Variants in CNTN5 observed in about 807,000 individuals in gnomAD.
CNTN5 encodes the protein contactin 5, also known as contactin-5.
In CNTN5, 77 loss-of-function variants were observed where a neutral mutation model predicts 129.1. That is an observed-to-expected ratio of 0.60 (90% confidence interval 0.50 to 0.72). The LOEUF (loss-of-function observed/expected upper bound fraction) is 0.72. CNTN5 is among the 30% of genes least tolerant of loss of function. CNTN5 has a pLI of 0.00. For missense variants in CNTN5, 1,478 were observed against 1,328.8 expected (o/e 1.11, Z -1.75); for synonymous variants, 509 against 465.6 (o/e 1.09, Z -1.20).
chr11:99,775,609 A>C (rs550142339), intron 3 of CNTN5, among the ~76,000 whole-genome samples: 1 of 152,096 alleles, frequency 6.6e-6, no homozygotes, highest in South Asian at 2.1e-4. Context: ...TATTTAAGGC[A>C]CTCATATTTT....
intron 2 of CNTN5, among the ~76,000 whole-genome samples, chr11:99,388,414 CAAA>C (rs10652309): frequency 2.8e-4 from 34 of 121,820 alleles, no homozygotes; most frequent in Non-Finnish European, 3.4e-4. Flanking sequence ...AACCCGGTCT[CAAA>C]AAAAAAAAAA....
At chr11:99,845,848 A>G (rs1017790702) in intron 6 of CNTN5, among the ~76,000 whole-genome samples, 1 of 152,196 alleles carries the variant, frequency 6.6e-6, no homozygotes, top group East Asian at 1.9e-4. Context: ...TTGAGTTCAA[A>G]TTAAGCTTCC....
At chr11:99,575,003 A>G (rs1425088842) in intron 3 of CNTN5, among the ~76,000 whole-genome samples, 1 of 152,218 alleles carries the variant, frequency 6.6e-6, no homozygotes, top group Non-Finnish European at 1.5e-5. Context: ...CAACTTTGCC[A>G]TGAATTGTGG....
chr11:99,193,071 T>C (rs1858726802), intron 1 of CNTN5, among the ~76,000 whole-genome samples: 1 of 152,154 alleles, frequency 6.6e-6, no homozygotes, highest in South Asian at 2.1e-4. Flanking sequence ...AATGTATTTA[T>C]TAGTACATAA....
At chr11:99,782,100 C>T (rs1452482129) in intron 3 of CNTN5, among the ~76,000 whole-genome samples, 10 of 150,126 alleles carry the variant, frequency 6.7e-5, no homozygotes, top group African/African-American at 2.0e-4. Flanking sequence ...CCCAAAATCT[C>T]CTTAAGCTGA....
chr11:99,965,387 G>A (rs4608050), intron 8 of CNTN5, among the ~76,000 whole-genome samples: 41,481 of 151,768 alleles, frequency 0.27, 7,140 homozygotes, highest in African/African-American at 0.49. Context: ...TTCAAAGAAC[G>A]TCTTTATTTC....
intron 1 of CNTN5, among the ~76,000 whole-genome samples, chr11:99,203,037 G>A (rs1859294103): frequency 6.6e-6 from 1 of 151,966 alleles, no homozygotes; most frequent in Non-Finnish European, 1.5e-5. Context: ...CAGAGAGGGA[G>A]GGAGGAAGAG....
rs193010557 is a variant in CNTN5, at chr11:99,588,105, A to G, written c.55+31836A>G. ...ACGCCTGTAATCCCGGCACTTTGGG[A>G]GGCCGAGGCGGGCGGATCACGATGT... is the stretch of plus-strand genomic sequence containing the variant. On this transcript the variant is annotated intron_variant, in intron 3 of 24. Transcript: ENST00000524871. Among the ~76,000 whole-genome samples, 887 of 152,286 alleles carry G rather than the reference A, an allele frequency of 5.8e-3. 4 individuals are homozygous for G. Among genetic ancestry groups the G allele is most frequent in the Non-Finnish European group, 0.011 (741 of 68,016 alleles).
intron 3 of CNTN5, among the ~76,000 whole-genome samples, chr11:99,579,696 G>C (rs2135606127): frequency 1.4e-5 from 2 of 138,516 alleles, no homozygotes; most frequent in African/African-American, 5.6e-5. Flanking sequence ...CTGAGACTTT[G>C]CTGAAGTTGC....
At chr11:99,623,471 A>G (rs910324402) in intron 3 of CNTN5, among the ~76,000 whole-genome samples, 1 of 152,124 alleles carries the variant, frequency 6.6e-6, no homozygotes. Flanking sequence ...AGGAGGTAGC[A>G]TCCATTTTCC....
At chr11:99,086,028 C>T (rs151306932) in intron 1 of CNTN5, among the ~76,000 whole-genome samples, 3 of 152,352 alleles carry the variant, frequency 2.0e-5, no homozygotes, top group African/African-American at 7.2e-5. Context: ...CAGTTTAAAA[C>T]CAGATAATCA....
intron 20 of CNTN5, among the ~76,000 whole-genome samples, chr11:100,305,947 T>TA (rs60794756): frequency 0.036 from 4,416 of 121,084 alleles, 82 homozygotes; most frequent in Middle Eastern, 0.069. Flanking sequence ...GCTGATTAGC[T>TA]AAAAAAAAAA....
chr11:99,353,558 A>G (rs1938442630), intron 2 of CNTN5, among the ~76,000 whole-genome samples: 1 of 152,206 alleles, frequency 6.6e-6, no homozygotes. Flanking sequence ...TACTATCTCC[A>G]GCATATATCT....
intron 11 of CNTN5, among the ~76,000 whole-genome samples, chr11:100,071,098 C>T (rs1024745744): frequency 6.6e-6 from 1 of 151,870 alleles, no homozygotes; most frequent in Admixed American, 6.6e-5. Flanking sequence ...TTGAGGTTAC[C>T]TTAATTTGCA....
intron 2 of CNTN5, among the ~76,000 whole-genome samples, chr11:99,442,741 A>T (rs1943890705): frequency 6.6e-6 from 1 of 152,200 alleles, no homozygotes; most frequent in Non-Finnish European, 1.5e-5. Context: ...TGCACTTTAA[A>T]CCTCTATGGT....
At chr11:100,238,072 G>A (rs1036255214) in intron 16 of CNTN5, among the ~76,000 whole-genome samples, 2 of 152,152 alleles carry the variant, frequency 1.3e-5, no homozygotes, top group African/African-American at 4.8e-5. Context: ...GAGTGGAAAA[G>A]TAAAGGTGCA....
intron 2 of CNTN5, among the ~76,000 whole-genome samples, chr11:99,502,211 C>G (rs1946449847): frequency 6.6e-6 from 1 of 152,176 alleles, no homozygotes; most frequent in Admixed American, 6.5e-5. Context: ...GTGAGAAAAA[C>G]AGTACAGGTA....
chr11:99,472,076 G>A (rs1591119421), intron 2 of CNTN5, among the ~76,000 whole-genome samples: 1 of 152,054 alleles, frequency 6.6e-6, no homozygotes, highest in African/African-American at 2.4e-5. Flanking sequence ...ATGGTTATCA[G>A]ACAAACCCCA....
chr11:99,842,680 G>A (rs540965288), intron 4 of CNTN5, among the ~76,000 whole-genome samples: 17 of 152,090 alleles, frequency 1.1e-4, no homozygotes, highest in South Asian at 4.1e-4. Context: ...TTCCCACAGC[G>A]TAATTCTGCA....
Sources: allele counts gnomAD v4.1 joint callset (sites outside exome capture counted in the v4.1 genomes callset), GRCh38; gene constraint gnomAD v4.1.1; transcripts MANE v1.5; gene names NCBI Gene and HGNC (gene_info 2026-07-23, HGNC 2026-07-21).